Variants in TYSND1 observed in about 807,000 individuals in gnomAD.
The protein encoded by TYSND1 is trypsin like peroxisomal matrix peptidase 1, also known as peroxisomal leader peptide-processing protease.
Under a neutral mutation model 37.2 loss-of-function variants are expected in TYSND1, and 30 were observed. The observed-to-expected ratio is 0.81, with a 90% CI of 0.60 to 1.09. TYSND1 has a LOEUF of 1.09. Ranked by LOEUF, TYSND1 falls within the 50% of genes least tolerant of loss-of-function variation. TYSND1 has a pLI of 0.00. For missense variants in TYSND1, 806 were observed against 817.4 expected, an observed-to-expected ratio of 0.99 and a Z score of 0.17; for synonymous variants, 364 against 383.8, an observed-to-expected ratio of 0.95 and a Z score of 0.60.
rs750050724 is a variant in TYSND1 at position 70,146,531 on chromosome 10, A to C, written c.56T>G (p.Val19Gly). ...MRAAEQAGCM[V>G]SASRAGQPEA... ...GGGCTGTCCGGCCCGGGAGGCGCTC[A>C]CCATGCAGCCCGCCTGCTCGGCCGC... The change falls in exon 1 of 4, where the codon GTG becomes GGG. Residue 19 changes from valine (V) to glycine (G), a missense_variant. Val to Gly is a moderately radical substitution (Grantham distance 109). Transcript: ENST00000287078. 76 of 1,586,834 alleles carry C rather than the reference A, an allele frequency of 4.8e-5. No homozygotes were observed. The highest frequency in any genetic ancestry group is 6.2e-5 in the Non-Finnish European group (73 of 1,174,030).
Position 70,145,824 on chromosome 10 carries a change from C to A in TYSND1, c.763G>T (p.Ala255Ser), listed in dbSNP as rs777687236. Residue 255 changes from alanine to serine, a missense_variant, in exon 1 of 4, where the codon GCA becomes TCA. This residue lies in a region of TYSND1 where 708 missense variants were observed against 705.4 expected (regional missense o/e 1.00). Transcript: ENST00000287078. ...NVAGPLLLTDARCLPGTEGGG... is the reference protein window; with the variant it reads ...NVAGPLLLTDSRCLPGTEGGG... ...CCCTCGGTGCCGGGCAGGCAGCGTG[C>A]GTCGGTAAGCAGCAGTGGGCCGGCC... 4 of 1,529,722 alleles carry A rather than the reference C, an allele frequency of 2.6e-6. No individual in the cohort carries two copies. The South Asian group carries it at 3.6e-5, about 14-fold the overall frequency. The allele number at this position is 1,529,722 out of a possible 1,614,324, so 94.8% of individuals were successfully genotyped here.
intron 3 of TYSND1, among the ~76,000 whole-genome samples, chr10:70,141,240 T>C (rs1589861105): frequency 1.9e-5 from 1 of 53,156 alleles, no homozygotes; most frequent in African/African-American, 4.5e-5. Context: ...CATACCTGGC[T>C]TTTTTTTTTT....
At position 70,145,400 on chromosome 10, in the gene TYSND1, G is replaced by A. The variant is rs1839166034; in HGVS notation, c.1166+21C>T. On this transcript the variant is annotated intron_variant, in intron 1 of 3. Transcript: ENST00000287078. Reference sequence around the variant, plus strand: ...CTGAGACCTGGAAAGGGATGAAGTGGCGTCAGCCCTGCGGGCTTACTTGGG... The same window carrying A: ...CTGAGACCTGGAAAGGGATGAAGTGACGTCAGCCCTGCGGGCTTACTTGGG... 5.7e-6 allele frequency: 8 copies of A among 1,393,704 alleles called. No homozygotes were observed. The East Asian group carries it at 2.3e-4, about 41-fold the overall frequency. The allele number at this position is 1,393,704 out of a possible 1,614,324, so 86.3% of individuals were successfully genotyped here. A position where few individuals can be genotyped will look rare whatever the true frequency, so the allele number is the denominator to read the frequency against.
intron 3 of TYSND1, 85 bp from the exon 4 acceptor site, chr10:70,140,226 A>G (rs747945090): frequency 8.4e-6 from 10 of 1,190,816 alleles, no homozygotes; most frequent in African/African-American, 1.5e-5. Flanking sequence ...TCCACCCTGG[A>G]GCCCCCAGGG....
At chr10:70,144,045 G>C in intron 1 of TYSND1, 73 bp from the exon 2 acceptor site, 2 of 1,590,548 alleles carry the variant, frequency 1.3e-6, no homozygotes, top group Admixed American at 3.4e-5. Flanking sequence ...AAGGAGCTGA[G>C]AGTGACAGTA....
chr10:70,145,411 G>A lies in TYSND1; in HGVS notation c.1166+10C>T, dbSNP rs768671020. 7.1e-6 allele frequency: 10 copies of A among 1,412,188 alleles called. No homozygotes were observed. The highest frequency in any genetic ancestry group is 1.9e-4 in the Middle Eastern group (1 of 5,376). The allele number at this position is 1,412,188 out of a possible 1,614,324, so 87.5% of individuals were successfully genotyped here. A position where few individuals can be genotyped will look rare whatever the true frequency, so the allele number is the denominator to read the frequency against. On this transcript the variant is annotated intron_variant, in intron 1 of 3. Transcript: ENST00000287078. ...AAAGGGATGAAGTGGCGTCAGCCCT[G>A]CGGGCTTACTTGGGGGTGGTGGAGC...
rs922995770 is a variant in TYSND1 at position 70,142,971 on chromosome 10, T to A, written c.1298-118A>T. The A allele has an allele frequency of 2.7e-5, 32 of 1,191,478 alleles. No homozygotes were observed. The African/African-American group carries it at 4.2e-4, about 16-fold the overall frequency. 73.8% of individuals were successfully genotyped at this position (1,191,478 alleles called of 1,614,324 possible). The stretch of plus-strand genomic sequence containing the variant: ...TCCAAACCTCTCCACCCTTCAAGTT[T>A]CTGCTCAGATACTCCTGCCTCCAGA... On this transcript the variant is annotated intron_variant, in intron 2 of 3. Coordinates refer to ENST00000287078, the MANE Select transcript of TYSND1 (RefSeq NM_173555.4).
Position 70,139,984 on chromosome 10 carries a change from T to C in TYSND1, c.1641A>G (p.Pro547=). The change falls in exon 4 of 4, where the codon CCA becomes CCG. Residue 547 remains proline, a synonymous_variant. Transcript: ENST00000287078. ...GLRELDRAAE[P]VRVVWRLQRP... is the part of the protein sequence containing the mutation. ...GCTGCAACCGCCACACCACCCTGACTGGCTCAGCAGCGCGGTCCAGCTCAC... is the reference window on the plus strand; with the variant it reads ...GCTGCAACCGCCACACCACCCTGACCGGCTCAGCAGCGCGGTCCAGCTCAC... The C allele has an allele frequency of 2.5e-6, 4 of 1,614,180 alleles. No homozygotes were observed. Among genetic ancestry groups the C allele is most frequent in the Non-Finnish European group, 3.4e-6 (4 of 1,180,026 alleles).
In TYSND1 at chr10:70,146,101, C is replaced by A. The variant is rs193005749; in HGVS notation, c.486G>T (p.Ser162=). 1.8e-5 allele frequency: 29 copies of A among 1,574,354 alleles called. No individual in the cohort carries two copies. The African/African-American group carries it at 3.2e-4, about 18-fold the overall frequency. ...GDEAAEQWRF[S]SAARDDEVSE... ...ACACTTCGTCATCCCGCGCCGCGCT[C>A]GAGAAGCGCCACTGTTCCGCTGCCT... The change falls in exon 1 of 4, where the codon TCG becomes TCT. Residue 162 remains serine (S), a synonymous_variant. Coordinates refer to ENST00000287078, the MANE Select transcript of TYSND1 (RefSeq NM_173555.4).
In TYSND1 at chr10:70,146,202, G is replaced by A. The variant is rs1386396844; in HGVS notation, c.385C>T (p.Arg129Trp). 4.6e-6 allele frequency: 7 copies of A among 1,524,906 alleles called. No individual in the cohort carries two copies. In the East Asian group the frequency reaches 9.8e-5, roughly 21 times the overall value. 94.5% of individuals were successfully genotyped at this position (1,524,906 alleles called of 1,614,324 possible). Residue 129 changes from arginine (R) to tryptophan (W), a missense_variant, in exon 1 of 4, where the codon CGG becomes TGG. Around this residue, in one of 3 missense-constraint regions of TYSND1, gnomAD observed 708 missense variants for 705.4 expected, o/e 1.00. Transcript: ENST00000287078. ...AGCAGCAGCAGCTCAGCAGGAAGCC[G>A]GGGCTGCAGGGGACGCCCGCGGGAC... ...APSRGRPLQP[R>W]LPAELLLLLS... is the part of the protein sequence containing the mutation.
At chr10:70,144,762 C>T in intron 1 of TYSND1, 1 of 985,472 alleles carries the variant, frequency 1.0e-6, no homozygotes, top group East Asian at 1.1e-4. Flanking sequence ...GTCCTATAGG[C>T]CACAGTGGGG....
chr10:70,142,731 A>T lies in TYSND1; in HGVS notation c.1420T>A (p.Cys474Ser). Residue 474 changes from cysteine to serine, a missense_variant, in exon 3 of 4, where the codon TGT becomes AGT. Transcript: ENST00000287078. ...NGTPVMLQTT[C>S]AVHSGSSGGP... ...CCACTGGAGCCGCTGTGCACAGCACACGTGGTCTGCAGCATTACGGGCGTG... is the reference window on the plus strand; with the variant it reads ...CCACTGGAGCCGCTGTGCACAGCACTCGTGGTCTGCAGCATTACGGGCGTG... The T allele has an allele frequency of 1.9e-6, 3 of 1,613,638 alleles. No homozygotes were observed. Among genetic ancestry groups the T allele is most frequent in the Non-Finnish European group, 2.5e-6 (3 of 1,179,856 alleles).
intron 1 of TYSND1, 117 bp from the exon 2 acceptor site, chr10:70,144,089 G>T: frequency 7.4e-7 from 1 of 1,343,254 alleles, no homozygotes. Context: ...GCCCTGAATC[G>T]ACCAGCAGGC....
chr10:70,140,633 A>G (rs1210395385), intron 3 of TYSND1, among the ~76,000 whole-genome samples: 1 of 152,232 alleles, frequency 6.6e-6, no homozygotes, highest in East Asian at 1.9e-4. Context: ...TTTCAGACAT[A>G]CAGAAGTCTT....
rs1839232310 is a variant in TYSND1, at chr10:70,146,419, G to A, written c.168C>T (p.Phe56=). The A allele has an allele frequency of 1.9e-6, 3 of 1,600,844 alleles. No homozygotes were observed. Among genetic ancestry groups the A allele is most frequent in the Non-Finnish European group, 2.5e-6 (3 of 1,177,788 alleles). Residue 56 remains phenylalanine, a synonymous_variant, in exon 1 of 4, where the codon TTC becomes TTT. Transcript: ENST00000287078. ...VLCHGGIFVP[F]LRAGSEVLTA... ...TCAGGACTTCGCTGCCAGCTCGCAG[G>A]AAGGGGACGAAGATGCCCCCGTGGC... is the stretch of plus-strand genomic sequence containing the variant.
In TYSND1 at chr10:70,143,952, C is replaced by A. The variant is rs146018076; in HGVS notation, c.1187G>T (p.Arg396Leu). 3 of 1,614,174 alleles carry A rather than the reference C, an allele frequency of 1.9e-6. No individual in the cohort carries two copies. The highest frequency in any genetic ancestry group is 2.2e-5 in the East Asian group (1 of 44,886). Residue 396 changes from arginine to leucine, a missense_variant, in exon 2 of 4, where the codon CGT becomes CTT. Arg to Leu is a moderately radical substitution (Grantham distance 102). Around this residue, in one of 3 missense-constraint regions of TYSND1, gnomAD observed 708 missense variants for 705.4 expected, o/e 1.00. Transcript: ENST00000287078. Reference protein sequence around the residue: ...TTPKSVAIWGRVVFATQETCP... With the variant: ...TTPKSVAIWGLVVFATQETCP... ...TGTCTCCTGAGTGGCAAATACCACA[C>A]GGCCCCAGATGGCCACACTCCTGGG...
intron 1 of TYSND1, 30 bp downstream of exon 1, chr10:70,145,391 G>A: frequency 7.2e-7 from 1 of 1,383,246 alleles, no homozygotes; most frequent in Non-Finnish European, 9.4e-7. Flanking sequence ...CCTGGAAAGG[G>A]ATGAAGTGGC....
At position 70,146,653 on chromosome 10, in the gene TYSND1, C is replaced by T; in HGVS notation, c.-67G>A. 1.4e-6 allele frequency: 2 copies of T among 1,401,334 alleles called. No homozygotes were observed. Among genetic ancestry groups the T allele is most frequent in the Non-Finnish European group, 1.9e-6 (2 of 1,075,984 alleles). The allele number at this position is 1,401,334 out of a possible 1,614,324, so 86.8% of individuals were successfully genotyped here. A position where few individuals can be genotyped will look rare whatever the true frequency, so the allele number is the denominator to read the frequency against. The stretch of plus-strand genomic sequence containing the variant: ...CAAGCTAGCGAGCGAGGACCCCTAC[C>T]CGGTCCGGCTGAAGCTGCCTAGCGC... On this transcript the variant is annotated 5_prime_UTR_variant, in exon 1 of 4. Coordinates refer to ENST00000287078, the MANE Select transcript of TYSND1 (RefSeq NM_173555.4).
At position 70,139,035 on chromosome 10, in the gene TYSND1, T is replaced by A. The variant is rs2072715584; in HGVS notation, c.*889A>T. 1 of 146,258 alleles carries A rather than the reference T, an allele frequency of 6.8e-6. No homozygotes were observed. Among genetic ancestry groups the A allele is most frequent in the Non-Finnish European group, 1.5e-5 (1 of 67,394 alleles). The allele number at this position is 146,258 out of a possible 1,614,324, so 9.1% of individuals were successfully genotyped here. On this transcript the variant is annotated 3_prime_UTR_variant, in exon 4 of 4. Transcript: ENST00000287078. The stretch of plus-strand genomic sequence containing the variant: ...CTCCTGGAGCCCAGGAGTTTGAGGC[T>A]GCAGTGAGCTGTGATCGCAACACTG...
Sources: gnomAD v4.1 joint callset for allele counts (sites outside exome capture counted in the v4.1 genomes callset) on GRCh38, gnomAD v4.1.1 for gene constraint, gnomAD v4.1.1 regional missense constraint, MANE v1.5 for transcripts, NCBI Gene and HGNC (gene_info 2026-07-23, HGNC 2026-07-21) for gene names.